LLGL2: variants seen among roughly 807,000 people sequenced by gnomAD.
The protein encoded by LLGL2 is LLGL2, scribble cell polarity complex component.
Under a neutral mutation model 123.2 loss-of-function variants are expected in LLGL2, and 81 were observed. The observed-to-expected ratio is 0.66, with a 90% confidence interval of 0.55 to 0.79. The LOEUF (loss-of-function observed/expected upper bound fraction) is 0.79. LLGL2 is among the 30% of genes least tolerant of loss of function. The pLI, the probability that LLGL2 is intolerant of heterozygous loss-of-function variation, is 0.00. For synonymous variants in LLGL2, 577 were observed against 594.1 expected, an observed-to-expected ratio of 0.97 and a Z score of 0.42; for missense variants, 1,273 against 1,414.6, an observed-to-expected ratio of 0.90 and a Z score of 1.61.
chr17:75,572,306 C>T (rs2055752093), intron 19 of LLGL2, among the ~76,000 whole-genome samples: 1 of 151,126 alleles, frequency 6.6e-6, no homozygotes, highest in Non-Finnish European at 1.5e-5. Context: ...ATCACAAGGG[C>T]AGGAGTTCGA....
chr17:75,536,951 C>T (rs1208185204), intron 1 of LLGL2, among the ~76,000 whole-genome samples: 1 of 152,126 alleles, frequency 6.6e-6, no homozygotes, highest in Non-Finnish European at 1.5e-5. Flanking sequence ...CCTCAGCCTC[C>T]CAAGTAGCTG....
intron 1 of LLGL2, among the ~76,000 whole-genome samples, chr17:75,528,902 T>G (rs2053672777): frequency 6.6e-6 from 1 of 152,290 alleles, no homozygotes; most frequent in South Asian, 2.1e-4. Flanking sequence ...CTTATGCCTG[T>G]AATCCCAACA....
At chr17:75,548,013 C>T (rs527423098) in intron 2 of LLGL2, among the ~76,000 whole-genome samples, 3 of 152,136 alleles carry the variant, frequency 2.0e-5, no homozygotes, top group African/African-American at 4.8e-5. Flanking sequence ...ATCTGATATC[C>T]GAAATGCTCC....
At chr17:75,554,013 C>A (rs991566234) in intron 2 of LLGL2, among the ~76,000 whole-genome samples, 1 of 152,092 alleles carries the variant, frequency 6.6e-6, no homozygotes, top group Non-Finnish European at 1.5e-5. Context: ...TTTTAAAAGT[C>A]ATTTTAGGCC....
intron 1 of LLGL2, among the ~76,000 whole-genome samples, chr17:75,535,436 G>C (rs1399034544): frequency 6.6e-6 from 1 of 152,344 alleles, no homozygotes; most frequent in East Asian, 1.9e-4. Flanking sequence ...GAGTCCTGCC[G>C]CTGGGTGTGG....
At chr17:75,525,252 G>A (rs1308633283), upstream of LLGL2, 1 of 151,014 alleles carries the variant, frequency 6.6e-6, no homozygotes, top group Non-Finnish European at 1.5e-5. The surrounding 1 kb of genome is among the most constrained non-coding windows in gnomAD (Gnocchi z 4.8). Flanking sequence ...TCCCTCTCGT[G>A]GGGCTGGAAA....
intron 1 of LLGL2, among the ~76,000 whole-genome samples, chr17:75,537,418 G>A (rs1212814090): frequency 3.3e-5 from 5 of 152,094 alleles, no homozygotes; most frequent in Admixed American, 3.3e-4. Context: ...CCCAGGCTGG[G>A]TGCGGTGGCT....
At chr17:75,569,668 G>A (rs2055606422) in intron 14 of LLGL2, among the ~76,000 whole-genome samples, 1 of 152,128 alleles carries the variant, frequency 6.6e-6, no homozygotes. Flanking sequence ...CCAGGCATTT[G>A]TGGCTCGTGC....
At chr17:75,532,076 A>ACACACACACACACC (rs2053813267) in intron 1 of LLGL2, among the ~76,000 whole-genome samples, 1 of 112,174 alleles carries the variant, frequency 8.9e-6, no homozygotes, top group Non-Finnish European at 1.9e-5. Flanking sequence ...ACACACACAC[A>ACACACACACACACC]CTTTTTTTTT....
intron 10 of LLGL2, among the ~76,000 whole-genome samples, chr17:75,565,008 G>A (rs1171120546): frequency 6.6e-6 from 1 of 152,138 alleles, no homozygotes; most frequent in Non-Finnish European, 1.5e-5. Flanking sequence ...CCCAGCTAGA[G>A]ACCCAGCCCA....
intron 2 of LLGL2, among the ~76,000 whole-genome samples, chr17:75,548,647 T>C (rs1812518020): frequency 6.6e-6 from 1 of 151,356 alleles, no homozygotes; most frequent in South Asian, 2.1e-4. Flanking sequence ...TCCCAGCTAC[T>C]TGAGAGGCTG....
chr17:75,560,515 T>C (rs1339716631), intron 6 of LLGL2, among the ~76,000 whole-genome samples: 7 of 152,010 alleles, frequency 4.6e-5, no homozygotes, highest in Admixed American at 1.3e-4. Flanking sequence ...AGATGGAGTT[T>C]CACTCTTGTT....
Position 75,564,095 on chromosome 17 carries a change from A to T in LLGL2, c.882-258A>T, listed in dbSNP as rs996957348. On this transcript the variant is annotated intron_variant, in intron 9 of 25. Coordinates refer to ENST00000392550, the MANE Select transcript of LLGL2 (RefSeq NM_001031803.2). This position sits in a 1 kb window ranked among gnomAD's most constrained non-coding sequence, Gnocchi z 4.9. ...CAGCCCTGTTTCTTCAGACAAAATC[A>T]CTCTGGGTGATGTTCAAACAGAATT... Among the ~76,000 whole-genome samples, 2 of 152,064 alleles carry T rather than the reference A, an allele frequency of 1.3e-5. No individual in the cohort carries two copies. Among genetic ancestry groups the T allele is most frequent in the Non-Finnish European group, 2.9e-5 (2 of 67,996 alleles).
intron 21 of LLGL2, 25 bp downstream of exon 21, chr17:75,573,656 T>TGAC: frequency 7.0e-7 from 1 of 1,429,158 alleles, no homozygotes. Context: ...CAGAGGCCTC[T>TGAC]CCCGCCCCTC....
chr17:75,528,305 TG>T (rs1468553783), intron 1 of LLGL2, among the ~76,000 whole-genome samples: 1 of 151,902 alleles, frequency 6.6e-6, no homozygotes, highest in African/African-American at 2.4e-5. Flanking sequence ...TTAGTAGAGA[TG>T]GGGTTTCACT....
chr17:75,552,394 C>T (rs765285269), intron 2 of LLGL2, among the ~76,000 whole-genome samples: 5 of 152,132 alleles, frequency 3.3e-5, no homozygotes, highest in Admixed American at 6.5e-5. Flanking sequence ...GAGGCTGAGG[C>T]GGGAGGATCA....
Position 75,544,840 on chromosome 17 carries a change from G to A in LLGL2, c.75+1339G>A, listed in dbSNP as rs538270084. Among the ~76,000 whole-genome samples the A allele has an allele frequency of 1.1e-3, 164 of 152,276 alleles. 1 individual carries two copies. The Middle Eastern group carries it at 0.014, about 13-fold the overall frequency. ...CTTTGCCACGAGGACATTTGCCTCT[G>A]GAATTAGGGCTTTCCTATCCCAACG... On this transcript the variant is annotated intron_variant, in intron 2 of 25. Coordinates refer to ENST00000392550, the MANE Select transcript of LLGL2 (RefSeq NM_001031803.2). The surrounding 1 kb of genome is among the most constrained non-coding windows in gnomAD (Gnocchi z 4.2).
chr17:75,561,870 C>T (rs953682431), intron 6 of LLGL2, among the ~76,000 whole-genome samples: 2 of 151,304 alleles, frequency 1.3e-5, no homozygotes, highest in Admixed American at 6.6e-5. Context: ...TGTGGTGAGC[C>T]GAGGTCACAC....
intron 1 of LLGL2, among the ~76,000 whole-genome samples, chr17:75,541,816 G>A (rs1057112639): frequency 1.5e-5 from 2 of 129,798 alleles, no homozygotes; most frequent in African/African-American, 2.9e-5. Flanking sequence ...TGCAACCTCC[G>A]CCTCTTGGGT....
Sources: allele counts gnomAD v4.1 joint callset (sites outside exome capture counted in the v4.1 genomes callset), GRCh38; gene constraint gnomAD v4.1.1; non-coding constraint Gnocchi (gnomAD v3.1); transcripts MANE v1.5; gene names NCBI Gene and HGNC (gene_info 2026-07-23, HGNC 2026-07-21).